Variants in ARB2A observed in about 807,000 individuals in gnomAD.
ARB2A encodes the protein ARB2 cotranscriptional regulator A.
At chr5:93,817,324 AAAG>A in the ARB2A span, among the ~76,000 whole-genome samples, 33 of 152,200 alleles carry the variant, frequency 2.2e-4, no homozygotes, top group Non-Finnish European at 3.5e-4. Context: ...AGCATTTTTG[AAAG>A]AAGACCTAAA....
chr5:93,952,791 T>C, the ARB2A span, among the ~76,000 whole-genome samples: 1 of 152,178 alleles, frequency 6.6e-6, no homozygotes, highest in Non-Finnish European at 1.5e-5. Flanking sequence ...TTCTTTATGG[T>C]CAATAACTCT....
the ARB2A span, among the ~76,000 whole-genome samples, chr5:94,106,862 T>C: frequency 9.0e-5 from 9 of 99,938 alleles, no homozygotes; most frequent in East Asian, 2.2e-3. Flanking sequence ...CCTATGTGAA[T>C]CAATGCAGAA....
the ARB2A span, among the ~76,000 whole-genome samples, chr5:93,993,677 C>T: frequency 6.6e-6 from 1 of 152,012 alleles, no homozygotes; most frequent in South Asian, 2.1e-4. Context: ...AAATGGCTTA[C>T]AACTTTACAG....
chr5:93,697,630 A>T, the ARB2A span, among the ~76,000 whole-genome samples: 1 of 152,174 alleles, frequency 6.6e-6, no homozygotes, highest in African/African-American at 2.4e-5. Context: ...AATGAAAAAA[A>T]TTTTTAACAA....
chr5:93,983,824 G>A, the ARB2A span, among the ~76,000 whole-genome samples: 10 of 151,942 alleles, frequency 6.6e-5, no homozygotes, highest in African/African-American at 1.9e-4. Flanking sequence ...AACCTGAATC[G>A]AATCATGAGA....
At chr5:94,062,009 A>ACT in the ARB2A span, among the ~76,000 whole-genome samples, 16,033 of 152,272 alleles carry the variant, frequency 0.11, 957 homozygotes, top group Middle Eastern at 0.16. Context: ...AGGAAAAATC[A>ACT]CTGTTCAATG....
At chr5:93,632,622 A>G in the ARB2A span, among the ~76,000 whole-genome samples, 1 of 152,198 alleles carries the variant, frequency 6.6e-6, no homozygotes, top group East Asian at 1.9e-4. Context: ...TGGTATGTAG[A>G]GAATGAGTTA....
At chr5:93,688,146 G>A in the ARB2A span, among the ~76,000 whole-genome samples, 6 of 152,022 alleles carry the variant, frequency 3.9e-5, no homozygotes, top group African/African-American at 1.4e-4. Context: ...GCTAATTTTT[G>A]TATTTTTAGT....
chr5:93,715,421 CTT>C, the ARB2A span, among the ~76,000 whole-genome samples: 1 of 152,188 alleles, frequency 6.6e-6, no homozygotes, highest in East Asian at 1.9e-4. Context: ...CAGTTCTACA[CTT>C]TTACCTTTGC....
chr5:93,634,272 G>T, the ARB2A span, among the ~76,000 whole-genome samples: 1 of 151,592 alleles, frequency 6.6e-6, no homozygotes, highest in Non-Finnish European at 1.5e-5. Flanking sequence ...TGGTGGTGCG[G>T]GCCCGTAGTC....
the ARB2A span, among the ~76,000 whole-genome samples, chr5:93,950,671 C>A: frequency 6.6e-6 from 1 of 150,876 alleles, no homozygotes; most frequent in South Asian, 2.1e-4. Context: ...ATAGGCCAGG[C>A]ACAGTGGCTC....
chr5:93,963,863 T>A, the ARB2A span, among the ~76,000 whole-genome samples: 12 of 152,008 alleles, frequency 7.9e-5, no homozygotes, highest in African/African-American at 2.7e-4. Flanking sequence ...GGGTTTGTGT[T>A]TTTTGTTTCG....
chr5:94,104,284 A>G, the ARB2A span, among the ~76,000 whole-genome samples: 5 of 151,710 alleles, frequency 3.3e-5, no homozygotes, highest in African/African-American at 9.7e-5. Context: ...AAAGGAAAGA[A>G]GTCCAAATAA....
At chr5:93,929,273 A>C in the ARB2A span, among the ~76,000 whole-genome samples, 1 of 152,282 alleles carries the variant, frequency 6.6e-6, no homozygotes, top group Non-Finnish European at 1.5e-5. Flanking sequence ...AAGAGGTCCC[A>C]GTTTCCTGAA....
chr5:93,856,296 T>C, the ARB2A span, among the ~76,000 whole-genome samples: 9 of 152,274 alleles, frequency 5.9e-5, no homozygotes, highest in Non-Finnish European at 1.0e-4. Context: ...CTTTGGGGTG[T>C]TCTCTGTATT....
At chr5:94,090,115 A>G in the ARB2A span, among the ~76,000 whole-genome samples, 1 of 152,206 alleles carries the variant, frequency 6.6e-6, no homozygotes, top group African/African-American at 2.4e-5. Context: ...TCAGAAAATG[A>G]ATTCTTAAAA....
At chr5:93,927,681 T>C in the ARB2A span, among the ~76,000 whole-genome samples, 32 of 152,126 alleles carry the variant, frequency 2.1e-4, no homozygotes, top group Non-Finnish European at 2.8e-4. Context: ...CGAATTTAGG[T>C]GGAGAAAAGA....
At chr5:93,849,628 G>A in the ARB2A span, among the ~76,000 whole-genome samples, 1 of 151,940 alleles carries the variant, frequency 6.6e-6, no homozygotes, top group African/African-American at 2.4e-5. Flanking sequence ...TTCTAATTGA[G>A]GAATATAATA....
the ARB2A span, among the ~76,000 whole-genome samples, chr5:94,052,870 G>C: frequency 6.6e-6 from 1 of 152,154 alleles, no homozygotes; most frequent in Non-Finnish European, 1.5e-5. Flanking sequence ...TCAAATTCAT[G>C]ACCATTAGTT....
Sources: gnomAD v4.1 joint callset for allele counts (sites outside exome capture counted in the v4.1 genomes callset) on GRCh38, gnomAD v4.1.1 for gene constraint, MANE v1.5 for transcripts, NCBI Gene and HGNC (gene_info 2026-07-23, HGNC 2026-07-21) for gene names.